The following ABHD6 variants were observed in gnomAD, a reference collection of about 807,000 sequenced individuals.
ABHD6 encodes the protein abhydrolase domain containing 6, acylglycerol lipase, also known as monoacylglycerol lipase ABHD6.
ABHD6 carries 33 observed loss-of-function variants against 38.8 expected under a neutral mutation model. The ratio of observed to expected loss-of-function variants is 0.85; its 90% CI spans 0.64 to 1.14. The LOEUF is 1.14. Ranked by LOEUF, ABHD6 falls within the 50% of genes most tolerant of loss-of-function variation. The pLI, the probability that ABHD6 is intolerant of heterozygous loss-of-function variation, is 0.00. For missense variants in ABHD6, 380 were observed against 422.6 expected, an observed-to-expected ratio of 0.90 and a Z score of 0.88; for synonymous variants, 147 against 161.6, an observed-to-expected ratio of 0.91 and a Z score of 0.69.
intron 2 of ABHD6, among the ~76,000 whole-genome samples, chr3:58,252,153 A>G (rs1186041379): frequency 6.6e-6 from 1 of 150,574 alleles, no homozygotes; most frequent in Non-Finnish European, 1.5e-5. Context: ...AGTGGCAGCC[A>G]TTCAAGGATG....
At chr3:58,253,873 G>A (rs537529442) in intron 2 of ABHD6, among the ~76,000 whole-genome samples, 17 of 152,302 alleles carry the variant, frequency 1.1e-4, no homozygotes, top group African/African-American at 4.1e-4. Context: ...GTAGACTCAG[G>A]ACTGTACTTA....
chr3:58,285,972 G>A lies in ABHD6; in HGVS notation c.837+519G>A, dbSNP rs1160439432. ...CCTGCCTCAGCCTCCCAAGTAGCTG[G>A]GATTACAGGTGCCCTCCACCATGCT... On this transcript the variant is annotated intron_variant, in intron 9 of 9. Coordinates refer to ENST00000478253, the MANE Select transcript of ABHD6 (RefSeq NM_001320126.2). The surrounding 1 kb of genome is among the most constrained non-coding windows in gnomAD (Gnocchi z 4.9). Among the ~76,000 whole-genome samples the A allele has an allele frequency of 1.3e-5, 2 of 151,042 alleles. No homozygotes were observed. Among genetic ancestry groups the A allele is most frequent in the African/African-American group, 2.4e-5 (1 of 41,036 alleles).
rs1158482639 is a variant in ABHD6 at position 58,274,811 on chromosome 3, A to G, written c.677A>G (p.Gln226Arg). ...LCSYVRFKVP[Q>R]QILQGLVDVR... ...TCCTATGTCCGCTTCAAGGTGCCCC[A>G]GCAGGTAACGTGGTTGCAGCAGCGA... Residue 226 changes from glutamine to arginine, a missense_variant, in exon 7 of 10, where the codon CAG becomes CGG. Physicochemically the swap from Gln to Arg is conservative, Grantham distance 43. Coordinates refer to ENST00000478253, the MANE Select transcript of ABHD6 (RefSeq NM_001320126.2). 24 of 1,613,348 alleles carry G rather than the reference A, an allele frequency of 1.5e-5. No homozygotes were observed. The highest frequency in any genetic ancestry group is 1.9e-5 in the Non-Finnish European group (23 of 1,179,634).
At chr3:58,241,055 T>A (rs2097422484) in intron 1 of ABHD6, among the ~76,000 whole-genome samples, 1 of 152,096 alleles carries the variant, frequency 6.6e-6, no homozygotes, top group Non-Finnish European at 1.5e-5. Context: ...TGAAATTTTG[T>A]TGTTGTTGTT....
chr3:58,273,874 C>T lies in ABHD6; in HGVS notation c.524-784C>T, dbSNP rs146554047. Among the ~76,000 whole-genome samples the T allele has an allele frequency of 2.1e-4, 32 of 152,052 alleles. No homozygotes were observed. The East Asian group carries it at 6.2e-3, about 29-fold the overall frequency. The stretch of plus-strand genomic sequence containing the variant: ...ACCTGCACGTTCTGCCCATGTATCC[C>T]AGAACTTAAAGTAAAAAAAGAAAAA... On this transcript the variant is annotated intron_variant, in intron 6 of 9. Transcript: ENST00000478253. This position sits in a 1 kb window ranked among gnomAD's most constrained non-coding sequence, Gnocchi z 4.8.
In ABHD6 at chr3:58,263,974, GT is replaced by G. The variant is rs149135893; in HGVS notation, c.120-3207del. On this transcript the variant is annotated intron_variant, in intron 3 of 9. Coordinates refer to ENST00000478253, the MANE Select transcript of ABHD6 (RefSeq NM_001320126.2). This position sits in a 1 kb window ranked among gnomAD's most constrained non-coding sequence, Gnocchi z 4.9. ...CCACTTCATCTGTGTATACTTAACA[GT>G]TTTTTTTAACAGAATTGGAATCAAT... 3.6e-4 allele frequency among the ~76,000 whole-genome samples: 54 copies of G among 151,718 alleles called. No homozygotes were observed. The highest frequency in any genetic ancestry group is 3.4e-3 in the Middle Eastern group (1 of 294).
At chr3:58,248,722 A>G (rs2097428066) in intron 1 of ABHD6, among the ~76,000 whole-genome samples, 1 of 152,208 alleles carries the variant, frequency 6.6e-6, no homozygotes, top group African/African-American at 2.4e-5. Context: ...GAGAGAGATG[A>G]TCATTAGGTC....
chr3:58,268,787 T>C (rs1196891044), intron 4 of ABHD6, among the ~76,000 whole-genome samples: 1 of 152,222 alleles, frequency 6.6e-6, no homozygotes, highest in East Asian at 1.9e-4. Flanking sequence ...CATATCTAAA[T>C]GGAAGAAGGT....
intron 7 of ABHD6, among the ~76,000 whole-genome samples, chr3:58,283,143 G>A (rs926458298): frequency 2.6e-5 from 4 of 152,140 alleles, no homozygotes; most frequent in South Asian, 4.1e-4. Flanking sequence ...TAATAGATAC[G>A]GCCTGTCCCT....
chr3:58,247,927 A>C (rs1447411676), intron 1 of ABHD6, among the ~76,000 whole-genome samples: 1 of 152,224 alleles, frequency 6.6e-6, no homozygotes, highest in Admixed American at 6.5e-5. Context: ...AAAGGGACAA[A>C]AGGTATCAGT....
intron 7 of ABHD6, among the ~76,000 whole-genome samples, chr3:58,283,711 G>A (rs973777512): frequency 6.6e-6 from 1 of 152,204 alleles, no homozygotes; most frequent in Non-Finnish European, 1.5e-5. Flanking sequence ...ATGCAGAGAT[G>A]GAGGTTGGAT....
chr3:58,242,278 T>C (rs569529724), intron 1 of ABHD6, among the ~76,000 whole-genome samples: 31 of 152,268 alleles, frequency 2.0e-4, no homozygotes, highest in African/African-American at 7.2e-4. Flanking sequence ...TTCAACATCA[T>C]GCTGAGAGCC....
Position 58,285,489 on chromosome 3 carries a change from C to G in ABHD6, c.837+36C>G. 1 of 1,563,556 alleles carries G rather than the reference C, an allele frequency of 6.4e-7. No individual in the cohort carries two copies. Among genetic ancestry groups the G allele is most frequent in the South Asian group, 1.1e-5 (1 of 89,936 alleles). ...CATCCCCGCGGCAGTCTGTGCTGGT[C>G]ACCAGGGCCTCTGAGGAAAAACGTC... On this transcript the variant is annotated intron_variant, in intron 9 of 9. Coordinates refer to ENST00000478253, the MANE Select transcript of ABHD6 (RefSeq NM_001320126.2). This position sits in a 1 kb window ranked among gnomAD's most constrained non-coding sequence, Gnocchi z 4.9.
Position 58,287,778 on chromosome 3 carries a change from G to A in ABHD6, c.837+2325G>A, listed in dbSNP as rs1336185337. 6.6e-6 allele frequency among the ~76,000 whole-genome samples: 1 copy of A among 152,230 alleles called. No homozygotes were observed. Among genetic ancestry groups the A allele is most frequent in the Non-Finnish European group, 1.5e-5 (1 of 68,044 alleles). ...AGGGCACTGGCCTTGGATTCTGAAA[G>A]TCTATGTTCCAGCCCTACTTTTGTC... On this transcript the variant is annotated intron_variant, in intron 9 of 9. Transcript: ENST00000478253. The surrounding 1 kb of genome is among the most constrained non-coding windows in gnomAD (Gnocchi z 4.7).
rs1347258313 is a variant in ABHD6, at chr3:58,287,586, T to C, written c.837+2133T>C. On this transcript the variant is annotated intron_variant, in intron 9 of 9. Coordinates refer to ENST00000478253, the MANE Select transcript of ABHD6 (RefSeq NM_001320126.2). The surrounding 1 kb of genome is among the most constrained non-coding windows in gnomAD (Gnocchi z 4.7). Reference sequence around the variant, plus strand: ...CAGCGCCAAGGGACTGAAAGAAGCTTTGTTTGTGCCCTGGGCTATGCCAGC... The same window carrying C: ...CAGCGCCAAGGGACTGAAAGAAGCTCTGTTTGTGCCCTGGGCTATGCCAGC... 6.6e-6 allele frequency among the ~76,000 whole-genome samples: 1 copy of C among 152,092 alleles called. No homozygotes were observed. Among genetic ancestry groups the C allele is most frequent in the Non-Finnish European group, 1.5e-5 (1 of 68,028 alleles).
intron 5 of ABHD6, among the ~76,000 whole-genome samples, 189 bp from the exon 6 acceptor site, chr3:58,270,743 T>G (rs775092816): frequency 1.3e-5 from 2 of 152,186 alleles, no homozygotes; most frequent in Admixed American, 6.5e-5. Context: ...CTCAATCTCT[T>G]GTGCCAGACA....
rs776544241 is a variant in ABHD6 at position 58,257,647 on chromosome 3, G to C, written c.119+942G>C. On this transcript the variant is annotated intron_variant, in intron 3 of 9. Coordinates refer to ENST00000478253, the MANE Select transcript of ABHD6 (RefSeq NM_001320126.2). The surrounding 1 kb of genome is among the most constrained non-coding windows in gnomAD (Gnocchi z 4.8). The stretch of plus-strand genomic sequence containing the variant: ...CAAAGTGCTGGGATTACAGGTGTGA[G>C]CCACTGCGCCTGGCCTTCATCATTG... Among the ~76,000 whole-genome samples the C allele has an allele frequency of 2.0e-5, 3 of 152,158 alleles. No individual in the cohort carries two copies. Among genetic ancestry groups the C allele is most frequent in the Non-Finnish European group, 4.4e-5 (3 of 68,034 alleles).
intron 4 of ABHD6, among the ~76,000 whole-genome samples, chr3:58,268,853 C>T (rs2097442815): frequency 6.6e-6 from 1 of 152,130 alleles, no homozygotes; most frequent in Non-Finnish European, 1.5e-5. Context: ...AGAAACCAAA[C>T]AAACCAGAAT....
intron 9 of ABHD6, among the ~76,000 whole-genome samples, chr3:58,288,040 G>A (rs983428111): frequency 4.6e-5 from 7 of 152,174 alleles, no homozygotes; most frequent in Admixed American, 2.0e-4. Context: ...TCAGAAGTCC[G>A]TTTCATTCCA....
Sources: allele counts gnomAD v4.1 joint callset (sites outside exome capture counted in the v4.1 genomes callset), GRCh38; gene constraint gnomAD v4.1.1; non-coding constraint Gnocchi (gnomAD v3.1); transcripts MANE v1.5; gene names NCBI Gene and HGNC (gene_info 2026-07-23, HGNC 2026-07-21).